SLC5A4: variants seen among roughly 807,000 people sequenced by gnomAD.
SLC5A4 encodes probable glucose sensor protein SLC5A4.
A neutral mutation model predicts 70.3 loss-of-function variants in SLC5A4; 55 were observed. The observed-to-expected ratio is 0.78, with a 90% CI of 0.63 to 0.98. SLC5A4 has a LOEUF of 0.98. Among genes scored for constraint, SLC5A4 ranks in the 50% least tolerant of loss-of-function variants. The probability of loss-of-function intolerance (pLI) is 0.00; values close to 1 mark genes in which losing one functional copy is unlikely to be tolerated. For missense variants in SLC5A4, 735 were observed against 839.2 expected (o/e 0.88, Z 1.53); for synonymous variants, 268 against 305.7 (o/e 0.88, Z 1.29).
the SLC5A4 span, among the ~76,000 whole-genome samples, chr22:32,315,290 T>C: frequency 2.0e-5 from 3 of 147,292 alleles, no homozygotes; most frequent in Middle Eastern, 6.9e-3. Flanking sequence ...AAAACAGAAC[T>C]GGCATAAATA....
At chr22:32,243,222 C>A (rs1266794639) in intron 5 of SLC5A4, among the ~76,000 whole-genome samples, 1 of 152,024 alleles carries the variant, frequency 6.6e-6, no homozygotes, top group African/African-American at 2.4e-5. Context: ...AAATATCAGG[C>A]AAATCCAAAA....
chr22:32,271,751 C>A, the SLC5A4 span: 1 of 587,496 alleles, frequency 1.7e-6, no homozygotes, highest in Non-Finnish European at 3.2e-6. Flanking sequence ...CAACTGTCCC[C>A]GCGGCTTCCT....
chr22:32,294,697 G>A, the SLC5A4 span, among the ~76,000 whole-genome samples: 8 of 144,374 alleles, frequency 5.5e-5, no homozygotes, highest in South Asian at 2.2e-4. Flanking sequence ...AAGTTTTAGG[G>A]TACATGTGCA....
chr22:32,232,305 A>T (rs1925804047), intron 9 of SLC5A4, among the ~76,000 whole-genome samples: 1 of 152,216 alleles, frequency 6.6e-6, no homozygotes, highest in Non-Finnish European at 1.5e-5. Context: ...TGTCTGAGGG[A>T]TTACCCCAAT....
At chr22:32,347,474 G>C in the SLC5A4 span, among the ~76,000 whole-genome samples, 224 of 152,150 alleles carry the variant, frequency 1.5e-3, no homozygotes, top group African/African-American at 5.0e-3. Context: ...AACAATGATA[G>C]ACTGGATTAA....
chr22:32,279,261 G>GT, the SLC5A4 span, among the ~76,000 whole-genome samples: 4 of 152,394 alleles, frequency 2.6e-5, no homozygotes, highest in African/African-American at 4.8e-5. Flanking sequence ...GGGCGACAGA[G>GT]TGAGACTCCG....
the SLC5A4 span, among the ~76,000 whole-genome samples, chr22:32,348,165 C>G: frequency 1.3e-5 from 2 of 152,146 alleles, no homozygotes; most frequent in Non-Finnish European, 2.9e-5. Context: ...GGAGGTGTCC[C>G]GTTTTTTCCA....
chr22:32,353,854 G>A, the SLC5A4 span, among the ~76,000 whole-genome samples: 1 of 151,458 alleles, frequency 6.6e-6, no homozygotes, highest in Admixed American at 6.6e-5. Flanking sequence ...GGGCAGTAAT[G>A]CCCTGATATG....
Position 32,235,105 on chromosome 22 carries a change from T to C in SLC5A4, c.665-12A>G, listed in dbSNP as rs1925989022. On this transcript the variant is annotated splice_polypyrimidine_tract_variant and intron_variant, in intron 7 of 14. Coordinates refer to ENST00000266086, the MANE Select transcript of SLC5A4 (RefSeq NM_014227.3). ...AACTTCGTTAAATGCTAAAAAGGCA[T>C]CAGAGTAAAATGAGATGTCTTACTG... 1 of 1,591,596 alleles carries C rather than the reference T, an allele frequency of 6.3e-7. No individual in the cohort carries two copies. Among genetic ancestry groups the C allele is most frequent in the African/African-American group, 1.3e-5 (1 of 74,198 alleles).
At chr22:32,326,414 G>GC in the SLC5A4 span, among the ~76,000 whole-genome samples, 1 of 151,948 alleles carries the variant, frequency 6.6e-6, no homozygotes, top group Admixed American at 6.6e-5. Flanking sequence ...CCAACACCAT[G>GC]CCCAGCTAGT....
chr22:32,239,139 C>T (rs1435870583), intron 5 of SLC5A4, 49 bp from the exon 6 acceptor site: 2 of 1,336,586 alleles, frequency 1.5e-6, no homozygotes, highest in African/African-American at 1.4e-5. Flanking sequence ...TTTGAGGCCA[C>T]TGGCTTCTCT....
the SLC5A4 span, among the ~76,000 whole-genome samples, chr22:32,329,597 T>G: frequency 2.7e-4 from 30 of 111,500 alleles, 1 homozygote; most frequent in Non-Finnish European, 4.1e-4. Context: ...TCTTGGGGGC[T>G]CTGGTGTGTG....
the SLC5A4 span, among the ~76,000 whole-genome samples, chr22:32,267,363 G>T: frequency 6.6e-6 from 1 of 152,226 alleles, no homozygotes; most frequent in Non-Finnish European, 1.5e-5. Flanking sequence ...CAACTGAGTT[G>T]TCAGTGGAAG....
the SLC5A4 span, among the ~76,000 whole-genome samples, chr22:32,304,828 C>T: frequency 1.4e-4 from 21 of 148,094 alleles, no homozygotes; most frequent in Admixed American, 2.7e-4. Flanking sequence ...TAGATTTTCT[C>T]CTATGTTCTA....
At chr22:32,322,704 G>A in the SLC5A4 span, among the ~76,000 whole-genome samples, 1 of 152,198 alleles carries the variant, frequency 6.6e-6, no homozygotes, top group Non-Finnish European at 1.5e-5. Flanking sequence ...AATGGGTTCT[G>A]AGAAGTGCTT....
At chr22:32,268,861 G>C in the SLC5A4 span, among the ~76,000 whole-genome samples, 1 of 152,090 alleles carries the variant, frequency 6.6e-6, no homozygotes, top group Non-Finnish European at 1.5e-5. Context: ...TAATAATTTG[G>C]GATATACAGG....
chr22:32,229,426 T>C, intron 10 of SLC5A4, 82 bp from the exon 11 acceptor site: 1 of 1,445,326 alleles, frequency 6.9e-7, no homozygotes. Flanking sequence ...AGGTTAAAAG[T>C]ATCATCTGGA....
At chr22:32,245,862 A>C (rs982717605) in intron 5 of SLC5A4, among the ~76,000 whole-genome samples, 19 of 152,222 alleles carry the variant, frequency 1.2e-4, no homozygotes, top group Admixed American at 3.3e-4. Context: ...TGTCAGCACC[A>C]GAGGACAATT....
the SLC5A4 span, among the ~76,000 whole-genome samples, chr22:32,291,438 A>C: frequency 6.6e-6 from 1 of 152,094 alleles, no homozygotes; most frequent in Admixed American, 6.5e-5. Context: ...TGGCCTCCCA[A>C]AGTGCTGGGA....
Sources: gnomAD v4.1 joint callset for allele counts (sites outside exome capture counted in the v4.1 genomes callset) on GRCh38, gnomAD v4.1.1 for gene constraint, MANE v1.5 for transcripts, NCBI Gene and HGNC (gene_info 2026-07-23, HGNC 2026-07-21) for gene names.